Variants in ADGRB3 observed in about 807,000 individuals in gnomAD.
ADGRB3 encodes the protein adhesion G protein-coupled receptor B3, also known as brain-specific angiogenesis inhibitor 3.
A neutral mutation model predicts 193.4 loss-of-function variants in ADGRB3; 37 were observed. The observed-to-expected ratio is 0.19, with a 90% CI of 0.15 to 0.25. The LOEUF (loss-of-function observed/expected upper bound fraction) is 0.25. ADGRB3 is among the 10% of genes least tolerant of loss of function. The pLI, the probability that ADGRB3 is intolerant of heterozygous loss-of-function variation, is 1.00. For missense variants in ADGRB3, 1,637 were observed against 1,852.9 expected (o/e 0.88, Z 2.14); for synonymous variants, 690 against 644.2 (o/e 1.07, Z -1.08).
chr6:69,033,737 A>T (rs1770782684), intron 13 of ADGRB3, among the ~76,000 whole-genome samples: 1 of 152,100 alleles, frequency 6.6e-6, no homozygotes, highest in Non-Finnish European at 1.5e-5. Flanking sequence ...GTTGTTTTAG[A>T]TATCGTTAAA....
intron 17 of ADGRB3, among the ~76,000 whole-genome samples, chr6:69,175,663 T>C (rs192806429): frequency 6.6e-6 from 1 of 152,320 alleles, no homozygotes; most frequent in Admixed American, 6.5e-5. Context: ...ATATTTTTTC[T>C]AGTTATTTGA....
intron 16 of ADGRB3, among the ~76,000 whole-genome samples, chr6:69,064,076 G>A (rs1039336882): frequency 6.6e-6 from 1 of 151,634 alleles, no homozygotes; most frequent in African/African-American, 2.4e-5. Flanking sequence ...CATTCTTTTG[G>A]CTGTAAAATT....
At chr6:68,912,562 C>A (rs1336697047) in intron 3 of ADGRB3, among the ~76,000 whole-genome samples, 3 of 152,048 alleles carry the variant, frequency 2.0e-5, no homozygotes, top group Non-Finnish European at 4.4e-5. Context: ...TGCTCCCCTT[C>A]CTGTGTCCAT....
chr6:68,711,838 T>A (rs780748563), intron 3 of ADGRB3, among the ~76,000 whole-genome samples: 10 of 152,098 alleles, frequency 6.6e-5, no homozygotes, highest in Non-Finnish European at 1.3e-4. Flanking sequence ...TTCTTACTCC[T>A]TAGCAAGATA....
chr6:69,233,006 T>C (rs1766180623), intron 17 of ADGRB3: 1 of 452,032 alleles, frequency 2.2e-6, no homozygotes, highest in Non-Finnish European at 3.9e-6. Flanking sequence ...CTGCCGCTGC[T>C]GTTCCTCGCA....
intron 24 of ADGRB3, among the ~76,000 whole-genome samples, chr6:69,337,012 T>G (rs570911107): frequency 1.1e-3 from 160 of 152,298 alleles, no homozygotes; most frequent in Admixed American, 2.2e-3. Flanking sequence ...GGTCTTCTAG[T>G]TAGACTCAAA....
intron 16 of ADGRB3, among the ~76,000 whole-genome samples, chr6:69,069,514 C>A (rs1772009079): frequency 1.6e-5 from 2 of 128,108 alleles, no homozygotes; most frequent in Admixed American, 1.9e-4. Context: ...TCAAGACCAG[C>A]CTGGCCAAGA....
intron 3 of ADGRB3, among the ~76,000 whole-genome samples, chr6:68,660,583 A>G (rs1483904920): frequency 6.6e-6 from 1 of 150,986 alleles, no homozygotes; most frequent in African/African-American, 2.4e-5. Flanking sequence ...ACTTCCATAT[A>G]TCCAAATTTC....
intron 6 of ADGRB3, 119 bp from the exon 7 acceptor site, chr6:68,955,905 T>C: frequency 1.1e-6 from 1 of 903,852 alleles, no homozygotes; most frequent in Non-Finnish European, 1.6e-6. Flanking sequence ...CCTTCCATTG[T>C]ATTCATTCAT....
chr6:69,134,613 G>A (rs942115927), intron 17 of ADGRB3, among the ~76,000 whole-genome samples: 1 of 151,936 alleles, frequency 6.6e-6, no homozygotes, highest in African/African-American at 2.4e-5. Flanking sequence ...GATGGTTTCT[G>A]CCTCATGAAC....
chr6:69,305,245 A>T (rs1280151018), intron 20 of ADGRB3, among the ~76,000 whole-genome samples: 1 of 151,570 alleles, frequency 6.6e-6, no homozygotes, highest in Admixed American at 6.6e-5. Flanking sequence ...AAATATACTT[A>T]AGCAGATTTA....
chr6:68,966,339 C>A (rs1398571592), intron 8 of ADGRB3, among the ~76,000 whole-genome samples: 1 of 152,268 alleles, frequency 6.6e-6, no homozygotes, highest in African/African-American at 2.4e-5. Flanking sequence ...GCATAGCAAG[C>A]ATTTAAAACA....
At chr6:68,906,516 G>A (rs1006046889) in intron 3 of ADGRB3, among the ~76,000 whole-genome samples, 1 of 151,816 alleles carries the variant, frequency 6.6e-6, no homozygotes, top group African/African-American at 2.4e-5. Context: ...GACTTACTGG[G>A]TCAAAGAATG....
chr6:68,706,850 G>C (rs1335196125), intron 3 of ADGRB3, among the ~76,000 whole-genome samples: 1 of 152,046 alleles, frequency 6.6e-6, no homozygotes, highest in Non-Finnish European at 1.5e-5. Flanking sequence ...GGTGGCTCAC[G>C]CCTATAATCC....
intron 11 of ADGRB3, among the ~76,000 whole-genome samples, chr6:69,010,802 A>G (rs1202780879): frequency 2.0e-5 from 3 of 151,924 alleles, no homozygotes; most frequent in South Asian, 2.1e-4. Flanking sequence ...CAAAAAACAA[A>G]AAAAAGCAAA....
At chr6:68,885,305 A>C (rs941230625) in intron 3 of ADGRB3, among the ~76,000 whole-genome samples, 1 of 152,224 alleles carries the variant, frequency 6.6e-6, no homozygotes, top group African/African-American at 2.4e-5. Context: ...GATTACAAAG[A>C]GTATGGAATG....
intron 4 of ADGRB3, among the ~76,000 whole-genome samples, chr6:68,932,816 G>A: frequency 6.6e-6 from 1 of 150,444 alleles, no homozygotes; most frequent in Middle Eastern, 3.9e-3. Context: ...AATAATAAAA[G>A]ACAATATATT....
At chr6:68,663,074 G>A (rs114051014) in intron 3 of ADGRB3, among the ~76,000 whole-genome samples, 2,304 of 151,232 alleles carry the variant, frequency 0.015, 51 homozygotes, top group African/African-American at 0.048. Context: ...AAAGTAAATC[G>A]AAATACATAA....
At chr6:68,906,933 CA>C (rs1766564613) in intron 3 of ADGRB3, among the ~76,000 whole-genome samples, 2 of 151,964 alleles carry the variant, frequency 1.3e-5, no homozygotes, top group African/African-American at 2.4e-5. Flanking sequence ...ACTGTCTCTT[CA>C]CATTTTTTGC....
Sources: allele counts gnomAD v4.1 joint callset (sites outside exome capture counted in the v4.1 genomes callset), GRCh38; gene constraint gnomAD v4.1.1; transcripts MANE v1.5; gene names NCBI Gene and HGNC (gene_info 2026-07-23, HGNC 2026-07-21).